Variants in RGMA observed in about 807,000 individuals in gnomAD.
RGMA encodes the protein repulsive guidance molecule A.
In RGMA, 10 loss-of-function variants were observed where a neutral mutation model predicts 23.2. The observed-to-expected ratio is 0.43, with a 90% confidence interval of 0.27 to 0.73. The LOEUF is 0.73. Ranked by LOEUF, RGMA falls within the 30% of genes least tolerant of loss-of-function variation. The pLI, the probability that RGMA is intolerant of heterozygous loss-of-function variation, is 0.20. For missense variants in RGMA, 547 were observed against 630.5 expected (o/e 0.87, Z 1.42); for synonymous variants, 308 against 279.3 (o/e 1.10, Z -1.03).
At position 93,056,274 on chromosome 15, in the gene RGMA, G is replaced by C. The variant is rs561154362; in HGVS notation, c.131-3767C>G. 2.0e-5 allele frequency among the ~76,000 whole-genome samples: 3 copies of C among 152,246 alleles called. No individual in the cohort carries two copies. The South Asian group carries it at 6.2e-4, about 31-fold the overall frequency. The stretch of plus-strand genomic sequence containing the variant: ...GACATTTCCCCAGGATGGGGAGGGG[G>C]CTGGTGGCGAAGTTTCAGAGAAGGG... On this transcript the variant is annotated intron_variant, in intron 2 of 3. Coordinates refer to ENST00000329082, the MANE Select transcript of RGMA (RefSeq NM_020211.3).
intron 2 of RGMA, among the ~76,000 whole-genome samples, chr15:93,059,819 G>A (rs1256839080): frequency 5.9e-5 from 9 of 152,182 alleles, no homozygotes; most frequent in Non-Finnish European, 8.8e-5. Context: ...ATCTCAGAGA[G>A]GCCGATTTTT....
At chr15:93,080,942 C>T (rs116795322) in intron 1 of RGMA, among the ~76,000 whole-genome samples, 3,906 of 152,320 alleles carry the variant, frequency 0.026, 145 homozygotes, top group African/African-American at 0.087. Context: ...CTGAGACTTC[C>T]TATCACACCT....
At chr15:93,087,733 A>C (rs117746949) in intron 1 of RGMA, among the ~76,000 whole-genome samples, 185 of 152,272 alleles carry the variant, frequency 1.2e-3, no homozygotes, top group Non-Finnish European at 2.3e-3. Context: ...TTAACATTTT[A>C]TATTACGTTT....
At chr15:93,061,929 C>T (rs1213450274) in intron 2 of RGMA, among the ~76,000 whole-genome samples, 1 of 151,948 alleles carries the variant, frequency 6.6e-6, no homozygotes, top group Admixed American at 6.5e-5. Flanking sequence ...GAAAGGAGTC[C>T]TAGGAATGCA....
Position 93,044,976 on chromosome 15 carries a change from G to A in RGMA, c.*22C>T, listed in dbSNP as rs776713669. ...GGGAAGCCGAGAGGACGGAGCCCGCGCCTCCCTCCACATCTACGCGTCTAG... is the reference window on the plus strand; with the variant it reads ...GGGAAGCCGAGAGGACGGAGCCCGCACCTCCCTCCACATCTACGCGTCTAG... On this transcript the variant is annotated 3_prime_UTR_variant, in exon 4 of 4. Coordinates refer to ENST00000329082, the MANE Select transcript of RGMA (RefSeq NM_020211.3). 8.3e-6 allele frequency: 13 copies of A among 1,566,944 alleles called. No individual in the cohort carries two copies. Among genetic ancestry groups the A allele is most frequent in the African/African-American group, 6.8e-5 (5 of 73,762 alleles).
chr15:93,088,741 T>C (rs1478770071), intron 1 of RGMA, 178 bp downstream of exon 1: 3 of 758,182 alleles, frequency 4.0e-6, no homozygotes, highest in Non-Finnish European at 6.0e-6. Flanking sequence ...ACAAAAACTT[T>C]CCTGCTGCCA....
At position 93,043,664 on chromosome 15, in the gene RGMA, G is replaced by C. The variant is rs771703388; in HGVS notation, c.*1334C>G. 1.6e-5 allele frequency: 2 copies of C among 123,130 alleles called. No homozygotes were observed. Among genetic ancestry groups the C allele is most frequent in the African/African-American group, 6.0e-5 (2 of 33,226 alleles). 7.6% of individuals were successfully genotyped at this position (123,130 alleles called of 1,614,324 possible). On this transcript the variant is annotated 3_prime_UTR_variant, in exon 4 of 4. Coordinates refer to ENST00000329082, the MANE Select transcript of RGMA (RefSeq NM_020211.3). Reference sequence around the variant, plus strand: ...AGCGCCCTCCCACCCGCCCACACACGGTTCTGGCAGAGGGAGCAGGACCTC... The same window carrying C: ...AGCGCCCTCCCACCCGCCCACACACCGTTCTGGCAGAGGGAGCAGGACCTC...
intron 1 of RGMA, chr15:93,073,711 T>C: frequency 6.5e-7 from 1 of 1,537,254 alleles, no homozygotes; most frequent in Non-Finnish European, 8.7e-7. Flanking sequence ...TCTCAGCTAC[T>C]AACGCACCTC....
At chr15:93,084,482 T>G (rs967781181) in intron 1 of RGMA, among the ~76,000 whole-genome samples, 3 of 148,532 alleles carry the variant, frequency 2.0e-5, no homozygotes, top group Non-Finnish European at 4.4e-5. Context: ...TTGTTTTTTG[T>G]TTTTTTTTGA....
Position 93,037,489 on chromosome 15 carries a change from C to G in RGMA, c.*7509G>C, listed in dbSNP as rs2054674090. 1 of 152,400 alleles carries G rather than the reference C, an allele frequency of 6.6e-6. No individual in the cohort carries two copies. Among genetic ancestry groups the G allele is most frequent in the Non-Finnish European group, 1.5e-5 (1 of 68,230 alleles). 9.4% of individuals were successfully genotyped at this position (152,400 alleles called of 1,614,324 possible). Reference sequence around the variant, plus strand: ...CTTGCATCGTTTCCTTGACGGGGTGCTTTGGGGACTGCTGCTTCCCATATT... The same window carrying G: ...CTTGCATCGTTTCCTTGACGGGGTGGTTTGGGGACTGCTGCTTCCCATATT... On this transcript the variant is annotated 3_prime_UTR_variant, in exon 4 of 4. Coordinates refer to ENST00000329082, the MANE Select transcript of RGMA (RefSeq NM_020211.3). This position sits in a 1 kb window ranked among gnomAD's most constrained non-coding sequence, Gnocchi z 4.3.
intron 2 of RGMA, among the ~76,000 whole-genome samples, chr15:93,067,045 C>T (rs1201162489): frequency 6.6e-6 from 1 of 152,180 alleles, no homozygotes; most frequent in African/African-American, 2.4e-5. Flanking sequence ...ACCAAAAGAG[C>T]TTTAAAAATT....
rs912825677 is a variant in RGMA, at chr15:93,041,209, A to G, written c.*3789T>C. ...TTAAAGGCCATTTCTCTCCTGTCCT[A>G]TAGCCTTGCACATTCTGGTTAGCTA... On this transcript the variant is annotated 3_prime_UTR_variant, in exon 4 of 4. Transcript: ENST00000329082. 3 of 148,532 alleles carry G rather than the reference A, an allele frequency of 2.0e-5. No homozygotes were observed. The highest frequency in any genetic ancestry group is 5.0e-5 in the African/African-American group (2 of 39,882). The allele number at this position is 148,532 out of a possible 1,614,324, so 9.2% of individuals were successfully genotyped here.
At chr15:93,064,903 T>C (rs1895089850) in intron 2 of RGMA, among the ~76,000 whole-genome samples, 1 of 152,026 alleles carries the variant, frequency 6.6e-6, no homozygotes, top group African/African-American at 2.4e-5. Flanking sequence ...CCTCATCATA[T>C]CCCCAAAGTC....
chr15:93,082,340 G>C (rs953261831), intron 1 of RGMA, among the ~76,000 whole-genome samples: 1 of 152,202 alleles, frequency 6.6e-6, no homozygotes, highest in Non-Finnish European at 1.5e-5. Flanking sequence ...CTTGAGGCCT[G>C]ATGGGCACCT....
At chr15:93,057,696 C>A (rs1290444346) in intron 2 of RGMA, among the ~76,000 whole-genome samples, 1 of 152,224 alleles carries the variant, frequency 6.6e-6, no homozygotes, top group East Asian at 1.9e-4. Context: ...GCAGAAGCTG[C>A]CAGTATCACT....
intron 3 of RGMA, among the ~76,000 whole-genome samples, chr15:93,049,994 C>T (rs1567180569): frequency 6.6e-6 from 1 of 152,246 alleles, no homozygotes; most frequent in Non-Finnish European, 1.5e-5. Flanking sequence ...TGCTCTCCCA[C>T]TCCGCCTGCT....
intron 2 of RGMA, chr15:93,066,084 G>A (rs967002175): frequency 1.3e-6 from 2 of 1,513,448 alleles, no homozygotes; most frequent in Non-Finnish European, 1.8e-6. Context: ...GCCGGGGGAT[G>A]AATCGGCGAA....
intron 1 of RGMA, among the ~76,000 whole-genome samples, chr15:93,085,774 A>T (rs1388158319): frequency 1.3e-5 from 2 of 152,212 alleles, no homozygotes; most frequent in African/African-American, 2.4e-5. Context: ...ACACCTCACT[A>T]GGCATTCTTG....
At chr15:93,058,898 T>TG (rs35408340) in intron 2 of RGMA, among the ~76,000 whole-genome samples, 1 of 151,840 alleles carries the variant, frequency 6.6e-6, no homozygotes, top group Non-Finnish European at 1.5e-5. Context: ...ATAGGGAGGT[T>TG]GGGTAGGTAC....
Sources: allele counts gnomAD v4.1 joint callset (sites outside exome capture counted in the v4.1 genomes callset), GRCh38; gene constraint gnomAD v4.1.1; non-coding constraint Gnocchi (gnomAD v3.1); transcripts MANE v1.5; gene names NCBI Gene and HGNC (gene_info 2026-07-23, HGNC 2026-07-21).